BTBD9: variants seen among roughly 807,000 people sequenced by gnomAD.
The protein encoded by BTBD9 is BTB/POZ domain-containing protein 9.
Under a neutral mutation model 64.3 loss-of-function variants are expected in BTBD9, and 49 were observed. The ratio of observed to expected loss-of-function variants is 0.76; its 90% CI spans 0.61 to 0.97. The LOEUF (loss-of-function observed/expected upper bound fraction) is 0.97. Ranked by LOEUF, BTBD9 falls within the 50% of genes least tolerant of loss-of-function variation. The probability of loss-of-function intolerance (pLI) is 0.00; values close to 1 mark genes in which losing one functional copy is unlikely to be tolerated. For synonymous variants in BTBD9, 260 were observed against 274.7 expected (o/e 0.95, Z 0.53); for missense variants, 598 against 762.1 (o/e 0.78, Z 2.53).
chr6:38,539,461 T>C (rs1774167696), intron 6 of BTBD9, among the ~76,000 whole-genome samples: 1 of 152,210 alleles, frequency 6.6e-6, no homozygotes, highest in South Asian at 2.1e-4. Context: ...GACAGATGGC[T>C]GATATTATAA....
At chr6:38,181,869 TC>T (rs1423731894) in intron 10 of BTBD9, among the ~76,000 whole-genome samples, 1 of 152,102 alleles carries the variant, frequency 6.6e-6, no homozygotes, top group Non-Finnish European at 1.5e-5. Context: ...ATGCCTGTAA[TC>T]CCAGCTGCTC....
chr6:38,613,645 G>A (rs1048269733), intron 1 of BTBD9, among the ~76,000 whole-genome samples: 17 of 151,908 alleles, frequency 1.1e-4, no homozygotes, highest in Non-Finnish European at 5.9e-5. Flanking sequence ...AAAAAATACA[G>A]CCCATATGGA....
At chr6:38,471,045 C>T (rs1225600003) in intron 6 of BTBD9, among the ~76,000 whole-genome samples, 1 of 152,120 alleles carries the variant, frequency 6.6e-6, no homozygotes, top group African/African-American at 2.4e-5. Flanking sequence ...ACTTTTGGAG[C>T]TCTAAGGAAC....
intron 6 of BTBD9, among the ~76,000 whole-genome samples, chr6:38,463,606 T>TTTA (rs1461514210): frequency 6.6e-6 from 1 of 152,242 alleles, no homozygotes; most frequent in African/African-American, 2.4e-5. Context: ...AAATTCTGCC[T>TTTA]TTATTAAGAA....
At chr6:38,257,393 C>T (rs1317814690) in intron 8 of BTBD9, among the ~76,000 whole-genome samples, 1 of 150,990 alleles carries the variant, frequency 6.6e-6, no homozygotes, top group African/African-American at 2.4e-5. Context: ...GTCAGGGTCT[C>T]GCTATGTTGC....
intron 9 of BTBD9, among the ~76,000 whole-genome samples, chr6:38,233,701 T>C (rs960053596): frequency 6.6e-6 from 1 of 152,106 alleles, no homozygotes; most frequent in African/African-American, 2.4e-5. Context: ...AATCTGAGGG[T>C]TGATGACCTT....
At chr6:38,324,381 A>G (rs1763342526) in intron 7 of BTBD9, among the ~76,000 whole-genome samples, 1 of 152,226 alleles carries the variant, frequency 6.6e-6, no homozygotes, top group Non-Finnish European at 1.5e-5. Context: ...CAGGTGTCCT[A>G]GGAATGCAAG....
intron 7 of BTBD9, among the ~76,000 whole-genome samples, chr6:38,341,990 A>G (rs1315507002): frequency 6.6e-6 from 1 of 152,234 alleles, no homozygotes; most frequent in African/African-American, 2.4e-5. Context: ...ACACAGTCAT[A>G]AAAATGGGAA....
chr6:38,197,282 C>T (rs1762299506), intron 9 of BTBD9, among the ~76,000 whole-genome samples: 1 of 152,192 alleles, frequency 6.6e-6, no homozygotes, highest in South Asian at 2.1e-4. Context: ...GAGAAGTAAT[C>T]TGTGCGACAT....
chr6:38,410,394 G>A (rs1271116811), intron 6 of BTBD9, among the ~76,000 whole-genome samples: 1 of 152,072 alleles, frequency 6.6e-6, no homozygotes, highest in African/African-American at 2.4e-5. Context: ...GATCACTTGA[G>A]CCCAGGAGGC....
chr6:38,234,312 G>A (rs1763706858), intron 9 of BTBD9, among the ~76,000 whole-genome samples: 1 of 152,098 alleles, frequency 6.6e-6, no homozygotes, highest in South Asian at 2.1e-4. Flanking sequence ...AATATCTGAG[G>A]GTGCAGGCTT....
At chr6:38,246,730 A>G (rs1197372535) in intron 9 of BTBD9, among the ~76,000 whole-genome samples, 2 of 152,228 alleles carry the variant, frequency 1.3e-5, no homozygotes, top group East Asian at 3.8e-4. Context: ...AGTGACAATT[A>G]CACAACCAGA....
At chr6:38,341,756 G>A (rs1473993507) in intron 7 of BTBD9, among the ~76,000 whole-genome samples, 1 of 152,142 alleles carries the variant, frequency 6.6e-6, no homozygotes, top group Admixed American at 6.5e-5. Flanking sequence ...TAACACAGAG[G>A]AGACAGTCAT....
intron 6 of BTBD9, among the ~76,000 whole-genome samples, chr6:38,387,860 G>C (rs966681689): frequency 6.6e-6 from 1 of 152,142 alleles, no homozygotes; most frequent in African/African-American, 2.4e-5. Flanking sequence ...TCAGACATTT[G>C]TGGCAAAGAG....
At chr6:38,226,377 C>A (rs1245408167) in intron 9 of BTBD9, among the ~76,000 whole-genome samples, 2 of 152,122 alleles carry the variant, frequency 1.3e-5, no homozygotes, top group African/African-American at 2.4e-5. Context: ...CTGAACAGAG[C>A]ACTACAGTGA....
At chr6:38,203,247 A>G (rs1053278503) in intron 9 of BTBD9, among the ~76,000 whole-genome samples, 2 of 152,200 alleles carry the variant, frequency 1.3e-5, no homozygotes, top group African/African-American at 2.4e-5. Context: ...TACAGAAACC[A>G]TGGAAAACAG....
At chr6:38,196,195 A>T (rs60647868) in intron 9 of BTBD9, among the ~76,000 whole-genome samples, 109 of 152,272 alleles carry the variant, frequency 7.2e-4, no homozygotes, top group African/African-American at 2.6e-3. Flanking sequence ...CCAGTGTTTG[A>T]ATCTTTATTT....
chr6:38,320,140 C>T (rs915890840), intron 7 of BTBD9, among the ~76,000 whole-genome samples: 1 of 152,196 alleles, frequency 6.6e-6, no homozygotes, highest in Non-Finnish European at 1.5e-5. Flanking sequence ...TGCCGTGTGG[C>T]TACTGGGGGA....
intron 6 of BTBD9, among the ~76,000 whole-genome samples, chr6:38,486,198 G>A (rs758560215): frequency 1.3e-5 from 2 of 152,154 alleles, no homozygotes; most frequent in African/African-American, 4.8e-5. Flanking sequence ...TTGGCTTTAG[G>A]GAATGTTGTG....
Sources: gnomAD v4.1 joint callset for allele counts (sites outside exome capture counted in the v4.1 genomes callset) on GRCh38, gnomAD v4.1.1 for gene constraint, MANE v1.5 for transcripts, NCBI Gene and HGNC (gene_info 2026-07-23, HGNC 2026-07-21) for gene names.